The following PCSK9 variants were observed in gnomAD, a reference collection of about 807,000 sequenced individuals.
PCSK9 encodes the protein proprotein convertase subtilisin/kexin type 9.
Under a neutral mutation model 62.1 loss-of-function variants are expected in PCSK9, and 57 were observed. That is an observed-to-expected ratio of 0.92 (90% CI 0.74 to 1.14). PCSK9 has a LOEUF of 1.14. Ranked by LOEUF, PCSK9 falls within the 50% of genes most tolerant of loss-of-function variation. The probability of loss-of-function intolerance (pLI) is 0.00; values close to 1 mark genes in which losing one functional copy is unlikely to be tolerated. For missense variants in PCSK9, 870 were observed against 959.8 expected, an observed-to-expected ratio of 0.91 and a Z score of 1.24; for synonymous variants, 387 against 409.4, an observed-to-expected ratio of 0.95 and a Z score of 0.66.
At chr1:55,062,507 A>G (rs1644767680) in intron 11 of PCSK9, among the ~76,000 whole-genome samples, 1 of 152,220 alleles carries the variant, frequency 6.6e-6, no homozygotes, top group Admixed American at 6.5e-5. Flanking sequence ...AAAACAAACC[A>G]TTAATATAGA....
rs1349990848 is a variant in PCSK9, at chr1:55,061,490, C to T, written c.1797C>T (p.Ser599=). The change falls in exon 11 of 12, where the codon TCC becomes TCT. Residue 599 remains serine (S), a synonymous_variant. Transcript: ENST00000302118. ...ACAGGGAGGCCAGCATCCACGCTTC[C>T]TGCTGCCATGCCCCAGGTCTGGAAT... ...VGHREASIHA[S]CCHAPGLECK... The T allele has an allele frequency of 1.2e-6, 2 of 1,605,430 alleles. No homozygotes were observed. The highest frequency in any genetic ancestry group is 2.2e-5 in the East Asian group (1 of 44,576).
At chr1:55,046,777 T>G in intron 3 of PCSK9, 131 bp downstream of exon 3, 5 of 1,007,826 alleles carry the variant, frequency 5.0e-6, no homozygotes, top group Non-Finnish European at 7.3e-6. Flanking sequence ...CACTGACCCC[T>G]TTTTTTCTGT....
intron 2 of PCSK9, among the ~76,000 whole-genome samples, chr1:55,045,093 G>A (rs1490465181): frequency 1.3e-5 from 2 of 152,172 alleles, no homozygotes; most frequent in Admixed American, 1.3e-4. Context: ...ACCAGTGACT[G>A]CCAGTACAGT....
chr1:55,064,172 G>A lies in PCSK9; in HGVS notation c.*588G>A, dbSNP rs1644784233. 6.4e-6 allele frequency: 1 copy of A among 155,784 alleles called. No individual in the cohort carries two copies. Among genetic ancestry groups the A allele is most frequent in the Admixed American group, 6.3e-5 (1 of 15,904 alleles). The allele number at this position is 155,784 out of a possible 1,614,324, so 9.7% of individuals were successfully genotyped here. A position where few individuals can be genotyped will look rare whatever the true frequency, so the allele number is the denominator to read the frequency against. On this transcript the variant is annotated 3_prime_UTR_variant, in exon 12 of 12. Transcript: ENST00000302118. ...GACAGGTGCGCCCCTGGTGGTCACA[G>A]GCTGTGCCTTGGTTTCCTGAGCCAC...
At chr1:55,045,046 C>T (rs1280227479) in intron 2 of PCSK9, among the ~76,000 whole-genome samples, 1 of 152,166 alleles carries the variant, frequency 6.6e-6, no homozygotes, top group African/African-American at 2.4e-5. Flanking sequence ...ACAGCTCAGG[C>T]CTTTCCCTTG....
At chr1:55,044,119 T>G in intron 2 of PCSK9, 85 bp downstream of exon 2, 1 of 1,487,924 alleles carries the variant, frequency 6.7e-7, no homozygotes, top group South Asian at 1.2e-5. Flanking sequence ...GTAGGCCCAT[T>G]GCTGAAAATC....
chr1:55,050,586 TGA>T (rs1444179277), intron 3 of PCSK9, among the ~76,000 whole-genome samples: 6 of 152,212 alleles, frequency 3.9e-5, no homozygotes, highest in Non-Finnish European at 8.8e-5. Context: ...CCCACGGGAC[TGA>T]TCAGTGGAGC....
intron 4 of PCSK9, 79 bp from the exon 5 acceptor site, chr1:55,052,571 C>A: frequency 6.2e-7 from 1 of 1,604,762 alleles, no homozygotes. Flanking sequence ...GAAGGGCGTT[C>A]ATCCATCCAG....
Position 55,059,586 on chromosome 1 carries a change from G to A in PCSK9, c.1604G>A (p.Ser535Asn). The part of the protein sequence containing the change: ...RCCLLPQANC[S>N]VHTAPPAEAS... ...TGCCTGCTACCCCAGGCCAACTGCA[G>A]CGTCCACACAGCTCCACCAGCTGAG... The change falls in exon 10 of 12, where the codon AGC becomes AAC. Residue 535 changes from serine (S) to asparagine (N), a missense_variant. Ser to Asn is a conservative substitution (Grantham distance 46). Transcript: ENST00000302118. The A allele has an allele frequency of 6.4e-7, 1 of 1,553,780 alleles. No homozygotes were observed. Among genetic ancestry groups the A allele is most frequent in the Non-Finnish European group, 8.7e-7 (1 of 1,147,946 alleles).
At chr1:55,042,641 C>G (rs1644605934) in intron 1 of PCSK9, among the ~76,000 whole-genome samples, 1 of 152,144 alleles carries the variant, frequency 6.6e-6, no homozygotes, top group Admixed American at 6.5e-5. Context: ...CAAGGAGGAG[C>G]ATGGAGTTTG....
chr1:55,046,089 G>C (rs1644632686), intron 2 of PCSK9, among the ~76,000 whole-genome samples: 1 of 152,214 alleles, frequency 6.6e-6, no homozygotes, highest in Admixed American at 6.5e-5. Context: ...AAGGGAGCTG[G>C]TGCTGCAGTT....
chr1:55,061,423 C>T lies in PCSK9; in HGVS notation c.1730C>T (p.Pro577Leu), dbSNP rs1644757834. 1 of 1,610,818 alleles carries T rather than the reference C, an allele frequency of 6.2e-7. No individual in the cohort carries two copies. Among genetic ancestry groups the T allele is most frequent in the Admixed American group, 1.7e-5 (1 of 59,774 alleles). The change falls in exon 11 of 12, where the codon CCT becomes CTT. Residue 577 changes from proline (P) to leucine (L), a missense_variant. Physicochemically the swap from Pro to Leu is moderately conservative, Grantham distance 98 (BLOSUM62 -3). Coordinates refer to ENST00000302118, the MANE Select transcript of PCSK9 (RefSeq NM_174936.4). ...EVEDLGTHKP[P>L]VLRPRGQPNQ... ...GAGGACCTTGGCACCCACAAGCCGC[C>T]TGTGCTGAGGCCACGAGGTCAGCCC...
intron 1 of PCSK9, among the ~76,000 whole-genome samples, chr1:55,042,775 A>G (rs1227211729): frequency 6.6e-6 from 1 of 152,160 alleles, no homozygotes; most frequent in African/African-American, 2.4e-5. Context: ...GGCTGCTATA[A>G]TTTGTTTGTC....
chr1:55,052,020 T>C, intron 3 of PCSK9: 3 of 555,534 alleles, frequency 5.4e-6, no homozygotes, highest in Non-Finnish European at 9.7e-6. Context: ...CAGGATGACT[T>C]GGGTCCTTCT....
intron 1 of PCSK9, among the ~76,000 whole-genome samples, chr1:55,041,499 T>C (rs1408176418): frequency 6.6e-6 from 1 of 152,226 alleles, no homozygotes; most frequent in African/African-American, 2.4e-5. Flanking sequence ...AGAGGCTGTA[T>C]GACCACCTGA....
At position 55,058,554 on chromosome 1, in the gene PCSK9, G is replaced by A; in HGVS notation, c.1410G>A (p.Met470Ile). 2 of 1,612,154 alleles carry A rather than the reference G, an allele frequency of 1.2e-6. No homozygotes were observed. The highest frequency in any genetic ancestry group is 2.2e-5 in the South Asian group (2 of 90,998). The change falls in exon 9 of 12, where the codon ATG becomes ATA. Residue 470 changes from methionine (M) to isoleucine (I), a missense_variant. Physicochemically the swap from Met to Ile is conservative, Grantham distance 10. Transcript: ENST00000302118. ...VWSAHSGPTRMATAVARCAPD... is the reference protein window; with the variant it reads ...VWSAHSGPTRIATAVARCAPD... ...CAGCACACTCGGGGCCTACACGGAT[G>A]GCCACAGCCGTCGCCCGCTGCGCCC... is the stretch of plus-strand genomic sequence containing the variant.
At chr1:55,050,028 G>A (rs1181466290) in intron 3 of PCSK9, among the ~76,000 whole-genome samples, 1 of 152,268 alleles carries the variant, frequency 6.6e-6, no homozygotes, top group African/African-American at 2.4e-5. Flanking sequence ...AGCCTGCCCA[G>A]CAGGCCTTCT....
chr1:55,056,553 C>T (rs1444542132), intron 6 of PCSK9, among the ~76,000 whole-genome samples: 2 of 152,198 alleles, frequency 1.3e-5, no homozygotes, highest in African/African-American at 4.8e-5. Context: ...CGTCCTCTGC[C>T]CAATACTCTT....
intron 9 of PCSK9, among the ~76,000 whole-genome samples, 176 bp from the exon 10 acceptor site, chr1:55,059,310 A>G (rs972873532): frequency 6.6e-6 from 1 of 152,236 alleles, no homozygotes; most frequent in Admixed American, 6.5e-5. Context: ...AGAGCTGCCC[A>G]CTGGCAGAAC....
Sources: allele counts gnomAD v4.1 joint callset (sites outside exome capture counted in the v4.1 genomes callset), GRCh38; gene constraint gnomAD v4.1.1; transcripts MANE v1.5; gene names NCBI Gene and HGNC (gene_info 2026-07-23, HGNC 2026-07-21).